Variants in UGGT2 observed in about 807,000 individuals in gnomAD.
UGGT2 encodes the protein UDP-glucose:glycoprotein glucosyltransferase 2.
In UGGT2, 180 loss-of-function variants were observed where a neutral mutation model predicts 192.1. The observed-to-expected ratio is 0.94, with a 90% CI of 0.83 to 1.06. The LOEUF is 1.06. Among genes scored for constraint, UGGT2 ranks in the 50% least tolerant of loss-of-function variants. The pLI, the probability that UGGT2 is intolerant of heterozygous loss-of-function variation, is 0.00. For missense variants in UGGT2, 1,849 were observed against 1,795.7 expected (o/e 1.03, Z -0.54); for synonymous variants, 580 against 591.0 (o/e 0.98, Z 0.27).
At chr13:95,877,118 G>GT (rs1891764249) in intron 29 of UGGT2, 161 bp downstream of exon 29, 1 of 494,006 alleles carries the variant, frequency 2.0e-6, no homozygotes, top group Non-Finnish European at 3.4e-6. Context: ...TCCTGGCCTT[G>GT]TGATCTGCCT....
At chr13:95,878,895 T>C (rs75972511) in intron 27 of UGGT2, among the ~76,000 whole-genome samples, 1 of 152,198 alleles carries the variant, frequency 6.6e-6, no homozygotes, top group Admixed American at 6.5e-5. Flanking sequence ...AGTAACTTCT[T>C]TGAAGACAGT....
At chr13:95,806,630 G>C (rs1016720135) in intron 38 of UGGT2, among the ~76,000 whole-genome samples, 1 of 152,082 alleles carries the variant, frequency 6.6e-6, no homozygotes, top group African/African-American at 2.4e-5. Context: ...TGGACTCACT[G>C]ATTTCAAAAC....
intron 10 of UGGT2, 51 bp downstream of exon 10, chr13:95,983,753 A>G: frequency 7.6e-7 from 1 of 1,312,250 alleles, no homozygotes; most frequent in Non-Finnish European, 1.1e-6. Flanking sequence ...CCAAAGTCAG[A>G]AACAGTGATA....
intron 1 of UGGT2, among the ~76,000 whole-genome samples, chr13:96,035,713 GA>G (rs1465366070): frequency 1.4e-5 from 2 of 146,700 alleles, no homozygotes; most frequent in East Asian, 4.6e-4. Context: ...AAATTTACAA[GA>G]AAAAAACAAA....
At chr13:95,860,923 T>C in intron 31 of UGGT2, 40 bp from the exon 32 acceptor site, 5 of 1,266,556 alleles carry the variant, frequency 3.9e-6, no homozygotes, top group Non-Finnish European at 4.4e-6. Flanking sequence ...TAAACATACA[T>C]ATGGAAACAT....
chr13:95,874,564 G>A (rs1184404640), intron 29 of UGGT2, among the ~76,000 whole-genome samples: 2 of 152,162 alleles, frequency 1.3e-5, no homozygotes, highest in African/African-American at 4.8e-5. Context: ...TAAAATGTAG[G>A]ATTTGTTTAT....
chr13:95,834,304 C>CG (rs1260114829), intron 37 of UGGT2, among the ~76,000 whole-genome samples: 1 of 151,910 alleles, frequency 6.6e-6, no homozygotes, highest in Non-Finnish European at 1.5e-5. Flanking sequence ...TCATGCCCCT[C>CG]GGGGAGCTTT....
intron 1 of UGGT2, among the ~76,000 whole-genome samples, chr13:96,034,241 C>A (rs1483258486): frequency 6.6e-6 from 1 of 152,106 alleles, no homozygotes; most frequent in Non-Finnish European, 1.5e-5. Context: ...CTCCTCTCAG[C>A]TGAGGGCTGC....
At chr13:96,011,498 A>G (rs1251505625) in intron 5 of UGGT2, among the ~76,000 whole-genome samples, 1 of 152,086 alleles carries the variant, frequency 6.6e-6, no homozygotes, top group African/African-American at 2.4e-5. Context: ...TAGAACAGCT[A>G]TAATAAAAAA....
intron 17 of UGGT2, among the ~76,000 whole-genome samples, chr13:95,931,658 G>A (rs2049276457): frequency 6.6e-6 from 1 of 152,122 alleles, no homozygotes; most frequent in Non-Finnish European, 1.5e-5. Flanking sequence ...TGCTGGCCCA[G>A]CGCACCCTCT....
At position 95,927,074 on chromosome 13, in the gene UGGT2, A is replaced by T. The variant is rs1448647345; in HGVS notation, c.2154T>A (p.Asp718Glu). The T allele has an allele frequency of 1.2e-6, 2 of 1,611,702 alleles. No individual in the cohort carries two copies. Reference sequence around the variant, plus strand: ...TGTTCTTTGCAATTACAGCACTCTTATCTTGTGAATCCAAGAAAAAGAAAG... The same window carrying T: ...TGTTCTTTGCAATTACAGCACTCTTTTCTTGTGAATCCAAGAAAAAGAAAG... ...FSTFFFLDSQ[D>E]KSAVIAKNMY... The change falls in exon 19 of 39, where the codon GAT (aspartate) becomes GAA (glutamate). Residue 718 changes from aspartate to glutamate, a missense_variant. Transcript: ENST00000376747.
intron 10 of UGGT2, among the ~76,000 whole-genome samples, chr13:95,978,452 A>G (rs148368385): frequency 2.2e-4 from 34 of 152,282 alleles, no homozygotes; most frequent in African/African-American, 7.7e-4. Context: ...ATAATCTGAA[A>G]ATACTCTGTC....
chr13:95,834,166 T>TA (rs976463894), intron 37 of UGGT2, among the ~76,000 whole-genome samples: 65 of 152,106 alleles, frequency 4.3e-4, no homozygotes, highest in Non-Finnish European at 7.6e-4. Context: ...GTCATACTAT[T>TA]AAAAAAATAA....
chr13:95,808,225 C>G (rs1419927080), intron 38 of UGGT2, among the ~76,000 whole-genome samples: 1 of 152,178 alleles, frequency 6.6e-6, no homozygotes, highest in African/African-American at 2.4e-5. Context: ...TTCTGTTGTA[C>G]AACCAAAAGA....
At chr13:96,037,342 G>T (rs1027760323) in intron 1 of UGGT2, among the ~76,000 whole-genome samples, 2 of 152,152 alleles carry the variant, frequency 1.3e-5, no homozygotes, top group Non-Finnish European at 2.9e-5. Flanking sequence ...AGGATTATAG[G>T]CATGTGCCAC....
At chr13:96,045,817 C>T (rs1274589732) in intron 1 of UGGT2, among the ~76,000 whole-genome samples, 1 of 152,128 alleles carries the variant, frequency 6.6e-6, no homozygotes, top group Non-Finnish European at 1.5e-5. Flanking sequence ...CTACAAAACA[C>T]TGCTGAAAGA....
intron 22 of UGGT2, among the ~76,000 whole-genome samples, chr13:95,898,392 T>C (rs967598816): frequency 4.5e-4 from 69 of 152,100 alleles, no homozygotes; most frequent in Non-Finnish European, 1.5e-5. Flanking sequence ...CTACCTGCTA[T>C]TCTTAGAATA....
intron 17 of UGGT2, among the ~76,000 whole-genome samples, chr13:95,929,593 G>C (rs966289995): frequency 6.6e-6 from 1 of 152,212 alleles, no homozygotes; most frequent in East Asian, 1.9e-4. Flanking sequence ...GCCTCCAGCT[G>C]AGTCCATGTT....
At chr13:95,906,906 T>C (rs768849204) in intron 20 of UGGT2, among the ~76,000 whole-genome samples, 2 of 152,166 alleles carry the variant, frequency 1.3e-5, no homozygotes, top group Admixed American at 1.3e-4. Flanking sequence ...CTCAGGTACC[T>C]GGTTCATCTC....
Sources: gnomAD v4.1 joint callset for allele counts (sites outside exome capture counted in the v4.1 genomes callset) on GRCh38, gnomAD v4.1.1 for gene constraint, MANE v1.5 for transcripts, NCBI Gene and HGNC (gene_info 2026-07-23, HGNC 2026-07-21) for gene names.